The following RBKS variants were observed in gnomAD, a reference collection of about 807,000 sequenced individuals.
The protein encoded by RBKS is ribokinase.
RBKS carries 33 observed loss-of-function variants against 33.9 expected under a neutral mutation model. The ratio of observed to expected loss-of-function variants is 0.97; its 90% CI spans 0.74 to 1.30. The LOEUF (loss-of-function observed/expected upper bound fraction) is 1.30, where lower values mean the gene tolerates loss of function less well. Among genes scored for constraint, RBKS ranks in the 50% most tolerant of loss-of-function variants. The pLI is 0.00. For missense variants in RBKS, 361 were observed against 392.6 expected (o/e 0.92, Z 0.68); for synonymous variants, 125 against 143.0 (o/e 0.87, Z 0.90).
intron 7 of RBKS, among the ~76,000 whole-genome samples, chr2:27,794,026 G>A (rs749006624): frequency 1.4e-4 from 21 of 152,038 alleles, no homozygotes; most frequent in Non-Finnish European, 2.1e-4. Context: ...GGGGCTGGGC[G>A]CGGTGGCTCA....
At chr2:27,798,004 G>C (rs1408481726) in intron 7 of RBKS, among the ~76,000 whole-genome samples, 1 of 152,116 alleles carries the variant, frequency 6.6e-6, no homozygotes, top group East Asian at 1.9e-4. Flanking sequence ...GGGAGTGGGA[G>C]GCTGCAGTGG....
rs200856823 is a variant in RBKS at position 27,801,964 on chromosome 2, ATATAT to A, written c.796-20181_796-20177del. On this transcript the variant is annotated intron_variant, in intron 7 of 7. Coordinates refer to ENST00000302188, the MANE Select transcript of RBKS (RefSeq NM_022128.3). ...GAGTAGCTGGGGAAAAAAAAAAAAA[ATATAT>A]ATATATATATATATATATATATATT... Among the ~76,000 whole-genome samples the A allele has an allele frequency of 1.9e-3, 92 of 48,566 alleles. 2 individuals are homozygous for A. The highest frequency in any genetic ancestry group is 6.9e-3 in the African/African-American group (81 of 11,724). The allele number at this position is 48,566 out of a possible 152,430, so 31.9% of individuals were successfully genotyped here. A position where few individuals can be genotyped will look rare whatever the true frequency, so the allele number is the denominator to read the frequency against.
chr2:27,789,815 G>A (rs557276179), intron 7 of RBKS, among the ~76,000 whole-genome samples: 7 of 150,506 alleles, frequency 4.7e-5, no homozygotes, highest in Admixed American at 2.7e-4. Flanking sequence ...CACCCGCCAC[G>A]CCCTCCCAAA....
intron 7 of RBKS, among the ~76,000 whole-genome samples, chr2:27,793,194 C>T (rs532657099): frequency 2.4e-4 from 37 of 152,196 alleles, no homozygotes; most frequent in Admixed American, 5.2e-4. Flanking sequence ...AGAATGCCAG[C>T]TAGTAAAAAC....
chr2:27,801,293 C>G (rs946303188), intron 7 of RBKS, among the ~76,000 whole-genome samples: 3 of 152,118 alleles, frequency 2.0e-5, no homozygotes, highest in Admixed American at 1.3e-4. Context: ...TGTCATCAAC[C>G]TCGCCACTCA....
At chr2:27,862,685 G>A (rs987239423) in intron 1 of RBKS, among the ~76,000 whole-genome samples, 7 of 152,076 alleles carry the variant, frequency 4.6e-5, no homozygotes, top group Admixed American at 3.3e-4. Flanking sequence ...CTCTTGACTC[G>A]GGGGTTATAG....
intron 4 of RBKS, among the ~76,000 whole-genome samples, chr2:27,845,966 A>T (rs1413496962): frequency 1.2e-4 from 18 of 145,338 alleles, no homozygotes; most frequent in African/African-American, 4.5e-4. Context: ...GGTTGTTACC[A>T]TTTTTTTTTT....
At chr2:27,817,171 T>C (rs901203028) in intron 7 of RBKS, among the ~76,000 whole-genome samples, 1 of 152,214 alleles carries the variant, frequency 6.6e-6, no homozygotes, top group Admixed American at 6.5e-5. Context: ...AAGCATTGTA[T>C]TAAGCAGTGG....
At position 27,781,772 on chromosome 2, in the gene RBKS, A is replaced by G. The variant is rs773039347; in HGVS notation, c.812T>C (p.Phe271Ser). The G allele has an allele frequency of 9.3e-6, 15 of 1,613,644 alleles. No homozygotes were observed. Among genetic ancestry groups the G allele is most frequent in the Admixed American group, 3.3e-5 (2 of 59,924 alleles). Residue 271 changes from phenylalanine (F) to serine (S), a missense_variant, in exon 8 of 8, where the codon TTT (phenylalanine) becomes TCT (serine). Transcript: ENST00000302188. ...CAGGTAGAAGGCCAGAGCTCCCACA[A>G]AGCTGTCACCAGCACCCTGTAATTG... is the stretch of plus-strand genomic sequence containing the variant. ...AVDTTGAGDS[F>S]VGALAFYLAY...
At chr2:27,804,772 C>T (rs917364995) in intron 7 of RBKS, among the ~76,000 whole-genome samples, 5 of 152,230 alleles carry the variant, frequency 3.3e-5, no homozygotes, top group Non-Finnish European at 5.9e-5. Context: ...TGGCCAGGCA[C>T]GGTGGCTCAA....
chr2:27,798,048 T>A (rs1410865582), intron 7 of RBKS, among the ~76,000 whole-genome samples: 26 of 151,952 alleles, frequency 1.7e-4, no homozygotes, highest in Admixed American at 1.7e-3. Context: ...ATAGAGGGCA[T>A]CTAGGAGCTA....
chr2:27,841,729 AACAC>A lies in RBKS; in HGVS notation c.514+1334_514+1337del, dbSNP rs35205983. On this transcript the variant is annotated intron_variant, in intron 5 of 7. Coordinates refer to ENST00000302188, the MANE Select transcript of RBKS (RefSeq NM_022128.3). ...CACTTTGGGAGAAATCACTTATATA[AACAC>A]ACACACACACACACACACACACACA... Among the ~76,000 whole-genome samples, 344 of 142,252 alleles carry A rather than the reference AACAC, an allele frequency of 2.4e-3. 4 individuals carry two copies. Among genetic ancestry groups the A allele is most frequent in the Admixed American group, 2.7e-3 (39 of 14,330 alleles). The allele number at this position is 142,252 out of a possible 152,430, so 93.3% of individuals were successfully genotyped here.
rs200856899 is a variant in RBKS, at chr2:27,832,694, C to T, written c.598G>A (p.Glu200Lys). The change falls in exon 6 of 8, where the codon GAA becomes AAA. Residue 200 changes from glutamate (E) to lysine (K), a missense_variant. Physicochemically the swap from Glu to Lys is moderately conservative, Grantham distance 56. Transcript: ENST00000302188. ...YTLSDVFCCN[E>K]SEAEILTGLT... ...AAGCAATTCACCCTTACCTCACTTT[C>T]ATTGCAGCAGAACACATCTGAGAGG... 6.2e-7 allele frequency: 1 copy of T among 1,610,198 alleles called. No homozygotes were observed. The highest frequency in any genetic ancestry group is 8.5e-7 in the Non-Finnish European group (1 of 1,176,752).
chr2:27,838,539 A>G (rs1045148037), intron 5 of RBKS, among the ~76,000 whole-genome samples: 17 of 152,278 alleles, frequency 1.1e-4, no homozygotes, highest in African/African-American at 3.9e-4. Flanking sequence ...GTAACTGGAT[A>G]CATAGGCTTA....
intron 7 of RBKS, among the ~76,000 whole-genome samples, chr2:27,806,197 A>G (rs892552701): frequency 1.3e-5 from 2 of 152,164 alleles, no homozygotes; most frequent in Non-Finnish European, 2.9e-5. Flanking sequence ...AAATGGATAT[A>G]TTAATATTTT....
intron 7 of RBKS, among the ~76,000 whole-genome samples, chr2:27,792,050 A>C (rs529359138): frequency 6.6e-6 from 1 of 152,310 alleles, no homozygotes; most frequent in East Asian, 1.9e-4. Flanking sequence ...GTCAGGTTTG[A>C]AAACCTTGAC....
At chr2:27,862,307 A>G (rs941712913) in intron 1 of RBKS, among the ~76,000 whole-genome samples, 2 of 152,216 alleles carry the variant, frequency 1.3e-5, no homozygotes, top group African/African-American at 4.8e-5. Flanking sequence ...TGATATGTAC[A>G]TGCATAAAAA....
rs1426160844 is a variant in RBKS, at chr2:27,837,526, G to A, written c.515-4749C>T. 6.6e-6 allele frequency among the ~76,000 whole-genome samples: 1 copy of A among 152,142 alleles called. No homozygotes were observed. Among genetic ancestry groups the A allele is most frequent in the Non-Finnish European group, 1.5e-5 (1 of 68,026 alleles). On this transcript the variant is annotated intron_variant, in intron 5 of 7. Transcript: ENST00000302188. This position sits in a 1 kb window ranked among gnomAD's most constrained non-coding sequence, Gnocchi z 4.0. ...TTATACCTAAAGGAAACATGTACTT[G>A]TATGTTCATCACCATGCTAGTCACA... is the stretch of plus-strand genomic sequence containing the variant.
At chr2:27,802,531 C>T (rs1265896730) in intron 7 of RBKS, among the ~76,000 whole-genome samples, 1 of 151,700 alleles carries the variant, frequency 6.6e-6, no homozygotes, top group Non-Finnish European at 1.5e-5. Flanking sequence ...AAAAAGTTTC[C>T]TTGGCATGGG....
Sources: allele counts gnomAD v4.1 joint callset (sites outside exome capture counted in the v4.1 genomes callset), GRCh38; gene constraint gnomAD v4.1.1; non-coding constraint Gnocchi (gnomAD v3.1); transcripts MANE v1.5; gene names NCBI Gene and HGNC (gene_info 2026-07-23, HGNC 2026-07-21).